The following ASIP variants were observed in gnomAD, a reference collection of about 807,000 sequenced individuals.
ASIP encodes the protein agouti signaling protein, also known as agouti-signaling protein.
A neutral mutation model predicts 10.3 loss-of-function variants in ASIP; 11 were observed. The ratio of observed to expected loss-of-function variants is 1.07; its 90% CI spans 0.68 to 1.78. ASIP has a LOEUF of 1.78. ASIP is among the 40% of genes most tolerant of loss of function. The pLI is 0.00. For synonymous variants in ASIP, 70 were observed against 70.8 expected, an observed-to-expected ratio of 0.99 and a Z score of 0.06; for missense variants, 180 against 169.2, an observed-to-expected ratio of 1.06 and a Z score of -0.35.
At chr20:34,222,648 G>C (rs112615072) in intron 1 of ASIP, among the ~76,000 whole-genome samples, 5 of 143,628 alleles carry the variant, frequency 3.5e-5, no homozygotes, top group African/African-American at 1.5e-4. Context: ...CTCCCTCTCC[G>C]TCTCCCTCTC....
intron 3 of ASIP, among the ~76,000 whole-genome samples, chr20:34,263,934 G>A (rs892765378): frequency 7.2e-5 from 11 of 151,960 alleles, no homozygotes; most frequent in African/African-American, 2.7e-4. Flanking sequence ...GCCTACCAAA[G>A]TGCTGGGATT....
intron 1 of ASIP, among the ~76,000 whole-genome samples, chr20:34,201,054 TTCTTTC>T (rs1411850946): frequency 6.7e-5 from 7 of 104,240 alleles, no homozygotes; most frequent in Non-Finnish European, 1.3e-4. Context: ...CTTTCTTTCT[TTCTTTC>T]TTTTTTTTCC....
At chr20:34,188,966 C>T in the ASIP span, among the ~76,000 whole-genome samples, 11 of 152,254 alleles carry the variant, frequency 7.2e-5, no homozygotes, top group South Asian at 2.3e-3. Flanking sequence ...GCTCTGAGAT[C>T]TTTAACCTAA....
upstream of ASIP, among the ~76,000 whole-genome samples, chr20:34,239,153 C>T (rs1294369825): frequency 1.3e-5 from 2 of 152,136 alleles, no homozygotes; most frequent in East Asian, 3.9e-4. Context: ...CCACTTAGTT[C>T]CACTCCCATC....
At chr20:34,214,266 A>T in intron 1 of ASIP, 2 of 1,409,492 alleles carry the variant, frequency 1.4e-6, no homozygotes. Context: ...GGAATGACGC[A>T]GACCTCTGTG....
At position 34,208,345 on chromosome 20, in the gene ASIP, A is replaced by AT. The variant is rs1318919517; in HGVS notation, c.-11+13592dup. Among the ~76,000 whole-genome samples the AT allele has an allele frequency of 5.3e-5, 8 of 151,706 alleles. No individual in the cohort carries two copies. The East Asian group carries it at 1.6e-3, about 30-fold the overall frequency. ...TATTTTTGTGAAGAATGTCATTGGT[A>AT]TTTTTTTGTTTGTTTTCTTTTGTTT... is the stretch of plus-strand genomic sequence containing the variant. On this transcript the variant is annotated intron_variant, in intron 1 of 3. Coordinates refer to the ASIP transcript ENST00000568305.
intron 1 of ASIP, among the ~76,000 whole-genome samples, chr20:34,197,545 C>A (rs2034866262): frequency 6.6e-6 from 1 of 152,078 alleles, no homozygotes; most frequent in Non-Finnish European, 1.5e-5. Flanking sequence ...GTAGCTACAC[C>A]CCGTGTGCAT....
chr20:34,245,729 A>T (rs2122617216), intron 1 of ASIP, among the ~76,000 whole-genome samples: 1 of 152,120 alleles, frequency 6.6e-6, no homozygotes, highest in Non-Finnish European at 1.5e-5. Context: ...CTATTCATGC[A>T]TGAGCATGAC....
At chr20:34,191,920 G>A (rs939472925), upstream of ASIP, among the ~76,000 whole-genome samples, 18 of 151,924 alleles carry the variant, frequency 1.2e-4, no homozygotes, top group Admixed American at 7.9e-4. Flanking sequence ...TAATAGAGAC[G>A]GGGTTTCACC....
rs772655085 is a variant in ASIP at position 34,258,674 on chromosome 20, C to CATATATATAT, written c.-10-1683_-10-1674dup. Among the ~76,000 whole-genome samples, 24 of 12,152 alleles carry CATATATATAT rather than the reference C, an allele frequency of 2.0e-3. 1 individual carries two copies. Among genetic ancestry groups the CATATATATAT allele is most frequent in the East Asian group, 0.02 (2 of 98 alleles). 8.0% of individuals were successfully genotyped at this position (12,152 alleles called of 152,430 possible). On this transcript the variant is annotated intron_variant, in intron 1 of 3. Transcript: ENST00000374954. Reference sequence around the variant, plus strand: ...AGTTAATATCTTAGAAGGGGGATGCCATATATATATATATATACATACTAT... The same window carrying CATATATATAT: ...AGTTAATATCTTAGAAGGGGGATGCCATATATATATATATATATATATATATACATACTAT...
At chr20:34,212,203 T>C (rs748615543) in intron 1 of ASIP, among the ~76,000 whole-genome samples, 2 of 152,156 alleles carry the variant, frequency 1.3e-5, no homozygotes, top group African/African-American at 2.4e-5. Context: ...TAAACTTTTA[T>C]TTGTAAATAA....
the ASIP span, among the ~76,000 whole-genome samples, chr20:34,186,792 A>G: frequency 2.0e-5 from 3 of 151,768 alleles, no homozygotes; most frequent in East Asian, 5.9e-4. Flanking sequence ...CTTTGGCAGC[A>G]GTAGGTTGTT....
At position 34,222,526 on chromosome 20, in the gene ASIP, A is replaced by T. The variant is rs80321233; in HGVS notation, c.-11+27766A>T. Reference sequence around the variant, plus strand: ...ATGCAGAGAAACTTGTAAAATATATATTTTTTTCAGGCCCTAGATTCTAAG... The same window carrying T: ...ATGCAGAGAAACTTGTAAAATATATTTTTTTTTCAGGCCCTAGATTCTAAG... On this transcript the variant is annotated intron_variant, in intron 1 of 3. Transcript: ENST00000568305. Among the ~76,000 whole-genome samples, 686 of 152,140 alleles carry T rather than the reference A, an allele frequency of 4.5e-3. 2 individuals carry two copies. The highest frequency in any genetic ancestry group is 9.3e-3 in the African/African-American group (385 of 41,514).
chr20:34,244,403 C>G (rs113460499), intron 1 of ASIP, among the ~76,000 whole-genome samples: 8 of 152,206 alleles, frequency 5.3e-5, no homozygotes, highest in African/African-American at 1.4e-4. Context: ...GAATAAGAAC[C>G]TCTAGCCTCT....
intron 1 of ASIP, among the ~76,000 whole-genome samples, chr20:34,236,112 AG>A (rs977721589): frequency 1.3e-5 from 2 of 150,012 alleles, no homozygotes; most frequent in Admixed American, 1.3e-4. Flanking sequence ...AAGAAAGGAA[AG>A]GAAAGGAGTG....
chr20:34,191,217 C>T (rs1254400218), upstream of ASIP, among the ~76,000 whole-genome samples: 3 of 152,218 alleles, frequency 2.0e-5, no homozygotes, highest in African/African-American at 7.2e-5. Context: ...CCTTGGCTTC[C>T]ATCCAACAAT....
chr20:34,202,750 T>C (rs2034908060), intron 1 of ASIP, among the ~76,000 whole-genome samples: 1 of 151,842 alleles, frequency 6.6e-6, no homozygotes, highest in African/African-American at 2.4e-5. Context: ...TGATATTTGG[T>C]AGAATAAGTC....
intron 1 of ASIP, among the ~76,000 whole-genome samples, chr20:34,248,017 C>G: frequency 6.6e-6 from 1 of 151,904 alleles, no homozygotes; most frequent in East Asian, 1.9e-4. Flanking sequence ...ACCAGCCTGG[C>G]CAACATGGTG....
At chr20:34,222,850 C>T (rs2035058643) in intron 1 of ASIP, among the ~76,000 whole-genome samples, 1 of 152,140 alleles carries the variant, frequency 6.6e-6, no homozygotes, top group Non-Finnish European at 1.5e-5. Flanking sequence ...GGCCGGTCTC[C>T]AGCCCCTAAC....
Sources: gnomAD v4.1 joint callset for allele counts (sites outside exome capture counted in the v4.1 genomes callset) on GRCh38, gnomAD v4.1.1 for gene constraint, MANE v1.5 for transcripts, NCBI Gene and HGNC (gene_info 2026-07-23, HGNC 2026-07-21) for gene names.